Variants in ANGPT1 observed in about 807,000 individuals in gnomAD.
The protein encoded by ANGPT1 is angiopoietin-1.
A neutral mutation model predicts 62.2 loss-of-function variants in ANGPT1; 17 were observed. That is an observed-to-expected ratio of 0.27 (90% CI 0.19 to 0.41). The LOEUF is 0.41. Among genes scored for constraint, ANGPT1 ranks in the 10% least tolerant of loss-of-function variants. ANGPT1 has a pLI of 1.00. For missense variants in ANGPT1, 478 were observed against 594.9 expected (o/e 0.80, Z 2.04); for synonymous variants, 199 against 198.9 (o/e 1.00, Z 0.00).
rs558068551 is a variant in ANGPT1 at position 107,301,085 on chromosome 8, T to G, written c.936+2155A>C. On this transcript the variant is annotated intron_variant, in intron 5 of 8. Coordinates refer to ENST00000517746, the MANE Select transcript of ANGPT1 (RefSeq NM_001146.5). ...GTGGTTATATATGAACTAAAGTCCA[T>G]AGAATGACTAAAGCTGTATTTGTAC... Among the ~76,000 whole-genome samples, 4 of 152,000 alleles carry G rather than the reference T, an allele frequency of 2.6e-5. No homozygotes were observed. In the East Asian group the frequency reaches 7.7e-4, roughly 29 times the overall value.
At chr8:107,460,084 C>T (rs1812028144) in intron 1 of ANGPT1, among the ~76,000 whole-genome samples, 1 of 152,170 alleles carries the variant, frequency 6.6e-6, no homozygotes, top group South Asian at 2.1e-4. Flanking sequence ...TGCTTCCATT[C>T]CAGGGACAAG....
At chr8:107,286,809 TAA>T (rs1814153340) in intron 6 of ANGPT1, among the ~76,000 whole-genome samples, 1 of 152,156 alleles carries the variant, frequency 6.6e-6, no homozygotes, top group African/African-American at 2.4e-5. Flanking sequence ...TCACACTTTG[TAA>T]AAGTTTCACA....
intron 1 of ANGPT1, among the ~76,000 whole-genome samples, chr8:107,394,852 A>T (rs1172391080): frequency 6.6e-6 from 1 of 152,172 alleles, no homozygotes; most frequent in Non-Finnish European, 1.5e-5. Context: ...AGCAACGTGG[A>T]ACATTAATAA....
At chr8:107,481,224 T>C (rs1188309398) in intron 1 of ANGPT1, among the ~76,000 whole-genome samples, 4 of 152,066 alleles carry the variant, frequency 2.6e-5, no homozygotes, top group African/African-American at 9.7e-5. Context: ...GACTTTTTTG[T>C]TTCTTACTCT....
At chr8:107,300,923 T>A (rs942077136) in intron 5 of ANGPT1, among the ~76,000 whole-genome samples, 1 of 151,698 alleles carries the variant, frequency 6.6e-6, no homozygotes, top group African/African-American at 2.4e-5. Context: ...TTCTATTTTA[T>A]GTAAGCATGA....
At chr8:107,403,342 C>T (rs147730147) in intron 1 of ANGPT1, among the ~76,000 whole-genome samples, 3 of 152,148 alleles carry the variant, frequency 2.0e-5, no homozygotes, top group Admixed American at 6.6e-5. Context: ...GGGACTCATA[C>T]CTACACCTTA....
chr8:107,471,755 T>C (rs1031208485), intron 1 of ANGPT1, among the ~76,000 whole-genome samples: 28 of 152,234 alleles, frequency 1.8e-4, no homozygotes, highest in Admixed American at 3.9e-4. Flanking sequence ...AGATTTTTAA[T>C]GAGAAAATAT....
At chr8:107,327,821 A>G (rs1815325157) in intron 3 of ANGPT1, among the ~76,000 whole-genome samples, 1 of 152,104 alleles carries the variant, frequency 6.6e-6, no homozygotes, top group African/African-American at 2.4e-5. Flanking sequence ...TAAAATAAAC[A>G]AAATAATCTG....
At chr8:107,458,336 TG>T (rs1157729469) in intron 1 of ANGPT1, among the ~76,000 whole-genome samples, 2 of 152,158 alleles carry the variant, frequency 1.3e-5, no homozygotes, top group Non-Finnish European at 2.9e-5. Context: ...AAATCTGCCT[TG>T]TAAATTCAGC....
intron 1 of ANGPT1, among the ~76,000 whole-genome samples, chr8:107,473,964 A>C (rs1158500697): frequency 2.0e-5 from 3 of 152,136 alleles, no homozygotes; most frequent in Non-Finnish European, 4.4e-5. Flanking sequence ...CAACCAAAAA[A>C]AGTCCAGGAC....
At chr8:107,398,295 C>T (rs1181034762) in intron 1 of ANGPT1, among the ~76,000 whole-genome samples, 1 of 151,994 alleles carries the variant, frequency 6.6e-6, no homozygotes, top group Non-Finnish European at 1.5e-5. Context: ...TGGTTTTCTT[C>T]TGCTTTTGTG....
At chr8:107,303,942 C>T (rs1034847221) in intron 4 of ANGPT1, among the ~76,000 whole-genome samples, 18 of 151,998 alleles carry the variant, frequency 1.2e-4, no homozygotes, top group Admixed American at 3.9e-4. Flanking sequence ...GAATCAACAA[C>T]TCTTAACAAT....
chr8:107,293,225 TG>T (rs1814323604), intron 6 of ANGPT1, among the ~76,000 whole-genome samples: 4 of 138,744 alleles, frequency 2.9e-5, no homozygotes, highest in South Asian at 2.5e-4. Context: ...ATGATGATGA[TG>T]ATGATGATGA....
intron 1 of ANGPT1, among the ~76,000 whole-genome samples, chr8:107,473,456 TA>T (rs200655583): frequency 0.012 from 1,869 of 150,944 alleles, 11 homozygotes; most frequent in Non-Finnish European, 0.016. Context: ...TCAGGTTGTC[TA>T]AAAAAAAAGC....
intron 8 of ANGPT1, among the ~76,000 whole-genome samples, chr8:107,260,883 T>C (rs1243704177): frequency 6.6e-6 from 1 of 152,206 alleles, no homozygotes; most frequent in Non-Finnish European, 1.5e-5. Context: ...AGTTCAATCA[T>C]TTAAAGCAGA....
chr8:107,477,706 C>G (rs1344029974), intron 1 of ANGPT1, among the ~76,000 whole-genome samples: 1 of 152,026 alleles, frequency 6.6e-6, no homozygotes, highest in African/African-American at 2.4e-5. Context: ...ATTTTATATT[C>G]TATAAAACTA....
chr8:107,429,145 A>G (rs891808670), intron 1 of ANGPT1, among the ~76,000 whole-genome samples: 2 of 152,320 alleles, frequency 1.3e-5, no homozygotes, highest in East Asian at 1.9e-4. Context: ...CTAAGTACCA[A>G]TTGCTCAAAT....
chr8:107,314,213 G>T (rs1814955079), intron 4 of ANGPT1, among the ~76,000 whole-genome samples: 1 of 152,168 alleles, frequency 6.6e-6, no homozygotes. Context: ...TTTGCTCATG[G>T]TAATATTGGA....
At position 107,454,321 on chromosome 8, in the gene ANGPT1, T is replaced by G. The variant is rs144008703; in HGVS notation, c.297+42941A>C. Among the ~76,000 whole-genome samples, 3 of 151,968 alleles carry G rather than the reference T, an allele frequency of 2.0e-5. No homozygotes were observed. The East Asian group carries it at 5.8e-4, about 29-fold the overall frequency. The stretch of plus-strand genomic sequence containing the variant: ...TGTGATGTTATCAGCAGTATTTAGA[T>G]TCTATCTTTATTCAATTTCAAGACA... On this transcript the variant is annotated intron_variant, in intron 1 of 8. Coordinates refer to ENST00000517746, the MANE Select transcript of ANGPT1 (RefSeq NM_001146.5).
Sources: allele counts gnomAD v4.1 joint callset (sites outside exome capture counted in the v4.1 genomes callset), GRCh38; gene constraint gnomAD v4.1.1; transcripts MANE v1.5; gene names NCBI Gene and HGNC (gene_info 2026-07-23, HGNC 2026-07-21).